PRKD1: variants seen among roughly 807,000 people sequenced by gnomAD.
The protein encoded by PRKD1 is serine/threonine-protein kinase D1.
PRKD1 carries 63 observed loss-of-function variants against 95.9 expected under a neutral mutation model. The observed-to-expected ratio is 0.66, with a 90% confidence interval of 0.54 to 0.81. The LOEUF is 0.81. Ranked by LOEUF, PRKD1 falls within the 30% of genes least tolerant of loss-of-function variation. The pLI is 0.00. For missense variants in PRKD1, 1,048 were observed against 1,165.3 expected, an observed-to-expected ratio of 0.90 and a Z score of 1.47; for synonymous variants, 425 against 423.1, an observed-to-expected ratio of 1.00 and a Z score of -0.05.
intron 2 of PRKD1, among the ~76,000 whole-genome samples, chr14:29,703,687 T>C (rs1884947568): frequency 6.6e-6 from 1 of 151,948 alleles, no homozygotes. Flanking sequence ...CATGTTAGAG[T>C]CTATGTACAC....
chr14:29,698,069 G>A (rs1594438580), intron 2 of PRKD1, among the ~76,000 whole-genome samples: 2 of 152,112 alleles, frequency 1.3e-5, no homozygotes, highest in South Asian at 4.1e-4. Flanking sequence ...ACTGTTATCA[G>A]TATTCACATG....
chr14:29,759,093 T>C (rs1268239960), intron 1 of PRKD1, among the ~76,000 whole-genome samples: 4 of 152,210 alleles, frequency 2.6e-5, no homozygotes, highest in African/African-American at 4.8e-5. Flanking sequence ...AAGCATTCCC[T>C]AGTCTAAGGA....
chr14:29,801,661 T>C (rs1257450892), intron 1 of PRKD1, among the ~76,000 whole-genome samples: 1 of 151,888 alleles, frequency 6.6e-6, no homozygotes, highest in East Asian at 1.9e-4. Context: ...AGGCAATCAA[T>C]GAGTGGCAGT....
intron 11 of PRKD1, 59 bp downstream of exon 11, chr14:29,628,982 A>G (rs1879807157): frequency 8.3e-7 from 1 of 1,208,610 alleles, no homozygotes; most frequent in Non-Finnish European, 1.1e-6. Flanking sequence ...CTATTTTATG[A>G]TGCTTTTATT....
intron 1 of PRKD1, among the ~76,000 whole-genome samples, chr14:29,827,096 A>G (rs924818215): frequency 6.6e-6 from 1 of 151,272 alleles, no homozygotes; most frequent in African/African-American, 2.4e-5. Context: ...GAAAGGAGTG[A>G]GGGATAAAAG....
intron 1 of PRKD1, among the ~76,000 whole-genome samples, chr14:29,740,067 C>G (rs1886917135): frequency 6.6e-6 from 1 of 152,108 alleles, no homozygotes; most frequent in South Asian, 2.1e-4. Context: ...AACATATTAT[C>G]TTGCATTATA....
rs867060986 is a variant in PRKD1 at position 29,927,105 on chromosome 14, C to A, written c.264+144G>T. On this transcript the variant is annotated intron_variant, in intron 1 of 17. Transcript: ENST00000331968. Reference sequence around the variant, plus strand: ...TCGGGTTGCAGGCGTCCAGCCGCGGCGGGGCCAGCCGCTTCCAGAGCGCCG... The same window carrying A: ...TCGGGTTGCAGGCGTCCAGCCGCGGAGGGGCCAGCCGCTTCCAGAGCGCCG... 8.2e-6 allele frequency: 7 copies of A among 855,836 alleles called. No individual in the cohort carries two copies. In the South Asian group the frequency reaches 2.1e-4, roughly 25 times the overall value. The allele number at this position is 855,836 out of a possible 1,614,324, so 53.0% of individuals were successfully genotyped here. A position where few individuals can be genotyped will look rare whatever the true frequency, so the allele number is the denominator to read the frequency against.
chr14:29,876,099 A>G (rs1893278150), intron 1 of PRKD1, among the ~76,000 whole-genome samples: 1 of 152,230 alleles, frequency 6.6e-6, no homozygotes, highest in East Asian at 1.9e-4. Flanking sequence ...GGCAGTGAGT[A>G]TGCCTCCCAT....
intron 1 of PRKD1, among the ~76,000 whole-genome samples, chr14:29,832,766 CT>C (rs1891464426): frequency 6.6e-6 from 1 of 151,950 alleles, no homozygotes; most frequent in African/African-American, 2.4e-5. Context: ...ATTTTCTATC[CT>C]TTTATTTAAA....
intron 1 of PRKD1, among the ~76,000 whole-genome samples, chr14:29,899,992 G>A (rs1401420925): frequency 2.0e-5 from 3 of 152,156 alleles, no homozygotes; most frequent in Non-Finnish European, 4.4e-5. Flanking sequence ...TCTCTTTCCT[G>A]CCATCTTGTG....
intron 1 of PRKD1, among the ~76,000 whole-genome samples, chr14:29,732,353 T>G (rs1212993867): frequency 6.7e-6 from 1 of 150,246 alleles, no homozygotes; most frequent in Non-Finnish European, 1.5e-5. Flanking sequence ...CCTGGTTTAT[T>G]TGTATAATTA....
intron 1 of PRKD1, among the ~76,000 whole-genome samples, chr14:29,864,238 A>T (rs1892807173): frequency 1.3e-5 from 2 of 152,270 alleles, no homozygotes. Context: ...ACAACTATAT[A>T]ACTGTACAGA....
At chr14:29,901,964 C>T (rs763354074) in intron 1 of PRKD1, among the ~76,000 whole-genome samples, 2 of 152,222 alleles carry the variant, frequency 1.3e-5, no homozygotes, top group Non-Finnish European at 2.9e-5. Context: ...TTGACACATA[C>T]AAACTCAATA....
chr14:29,623,461 T>C (rs1477472624), intron 13 of PRKD1, among the ~76,000 whole-genome samples: 1 of 152,216 alleles, frequency 6.6e-6, no homozygotes, highest in Non-Finnish European at 1.5e-5. Context: ...TAAAAAATTA[T>C]GGCAGGTATA....
At chr14:29,744,056 T>A (rs1369006208) in intron 1 of PRKD1, among the ~76,000 whole-genome samples, 1 of 152,188 alleles carries the variant, frequency 6.6e-6, no homozygotes, top group Non-Finnish European at 1.5e-5. Flanking sequence ...TTAAAGGATC[T>A]CATCCAGTCT....
At chr14:29,863,418 C>T (rs1892775759) in intron 1 of PRKD1, among the ~76,000 whole-genome samples, 1 of 152,112 alleles carries the variant, frequency 6.6e-6, no homozygotes, top group Non-Finnish European at 1.5e-5. Flanking sequence ...CCCTGGAGAT[C>T]GAAATGAGCC....
chr14:29,629,754 T>C (rs1187507948), intron 10 of PRKD1, among the ~76,000 whole-genome samples: 1 of 152,156 alleles, frequency 6.6e-6, no homozygotes, highest in Non-Finnish European at 1.5e-5. Flanking sequence ...TATCTCATTC[T>C]ACTAATGAAC....
intron 4 of PRKD1, among the ~76,000 whole-genome samples, chr14:29,660,138 T>C (rs1019693692): frequency 1.1e-4 from 16 of 152,196 alleles, no homozygotes; most frequent in Admixed American, 2.0e-4. Flanking sequence ...AGATATCCAA[T>C]TGGTCACAGA....
intron 1 of PRKD1, among the ~76,000 whole-genome samples, chr14:29,835,641 G>A (rs1254387519): frequency 1.3e-5 from 2 of 152,076 alleles, no homozygotes; most frequent in Non-Finnish European, 2.9e-5. Flanking sequence ...CGCGATCTTG[G>A]CTCACCACAG....
Sources: gnomAD v4.1 joint callset for allele counts (sites outside exome capture counted in the v4.1 genomes callset) on GRCh38, gnomAD v4.1.1 for gene constraint, MANE v1.5 for transcripts, NCBI Gene and HGNC (gene_info 2026-07-23, HGNC 2026-07-21) for gene names.